LMO7: variants seen among roughly 807,000 people sequenced by gnomAD.
LMO7 encodes the protein LIM domain 7.
LMO7 carries 120 observed loss-of-function variants against 206.5 expected under a neutral mutation model. That is an observed-to-expected ratio of 0.58 (90% CI 0.50 to 0.68). The LOEUF is 0.68. LMO7 is among the 30% of genes least tolerant of loss of function. The pLI, the probability that LMO7 is intolerant of heterozygous loss-of-function variation, is 0.00. For synonymous variants in LMO7, 706 were observed against 681.5 expected (o/e 1.04, Z -0.56); for missense variants, 1,959 against 1,957.9 (o/e 1.00, Z -0.01).
chr13:75,836,166 C>T (rs994394924), intron 18 of LMO7, among the ~76,000 whole-genome samples: 2 of 151,950 alleles, frequency 1.3e-5, no homozygotes, highest in African/African-American at 2.4e-5. Flanking sequence ...AATTAATGAT[C>T]GATTAAACTT....
At chr13:75,842,796 A>G (rs1595471164) in intron 24 of LMO7, 55 bp from the exon 25 acceptor site, 3 of 1,079,770 alleles carry the variant, frequency 2.8e-6, no homozygotes, top group Admixed American at 1.8e-5. Flanking sequence ...TCTTAAACTC[A>G]GGGAAGGGCT....
chr13:75,654,181 T>C (rs2037830975), intron 1 of LMO7, among the ~76,000 whole-genome samples: 1 of 152,156 alleles, frequency 6.6e-6, no homozygotes, highest in African/African-American at 2.4e-5. Context: ...AGCTTACAAA[T>C]CTGTAGGAGA....
At chr13:75,706,159 A>C (rs1032256417) in intron 1 of LMO7, among the ~76,000 whole-genome samples, 7 of 152,206 alleles carry the variant, frequency 4.6e-5, no homozygotes, top group Non-Finnish European at 1.0e-4. Flanking sequence ...TAGCTTGTTC[A>C]GAATTGCAGG....
At chr13:75,774,402 G>A (rs548937586) in intron 4 of LMO7, among the ~76,000 whole-genome samples, 6 of 152,214 alleles carry the variant, frequency 3.9e-5, no homozygotes, top group Non-Finnish European at 7.4e-5. Flanking sequence ...ATTTCCAAAT[G>A]TAGATTTGCC....
chr13:75,677,516 T>C (rs1297069925), intron 1 of LMO7, among the ~76,000 whole-genome samples: 1 of 152,182 alleles, frequency 6.6e-6, no homozygotes, highest in Non-Finnish European at 1.5e-5. Context: ...CTAATACATG[T>C]GAAGTTACAT....
chr13:75,754,598 TAAC>T (rs2047527545), intron 3 of LMO7, among the ~76,000 whole-genome samples: 1 of 152,044 alleles, frequency 6.6e-6, no homozygotes, highest in African/African-American at 2.4e-5. Context: ...ATAATTAAAA[TAAC>T]AAAATAAAAT....
chr13:75,691,049 A>G (rs2041432300), intron 1 of LMO7, among the ~76,000 whole-genome samples: 1 of 152,180 alleles, frequency 6.6e-6, no homozygotes, highest in Non-Finnish European at 1.5e-5. Context: ...TTATTCATAC[A>G]TATTTTACAT....
chr13:75,654,864 T>C (rs1051412320), intron 1 of LMO7, among the ~76,000 whole-genome samples: 2 of 141,686 alleles, frequency 1.4e-5, no homozygotes, highest in African/African-American at 5.2e-5. Flanking sequence ...TACTTTTTCT[T>C]TTCTCTTCTC....
chr13:75,626,595 A>ATATTTTTTTTTTTTTTTTT, intron 2 of LMO7, among the ~76,000 whole-genome samples: 1 of 71,098 alleles, frequency 1.4e-5, no homozygotes, highest in Non-Finnish European at 3.6e-5. Context: ...ATATATATAA[A>ATATTTTTTTTTTTTTTTTT]TTTTTTTGAG....
Position 75,821,473 on chromosome 13 carries a change from T to C in LMO7, c.2504T>C (p.Met835Thr). The change falls in exon 14 of 31, where the codon ATG (methionine) becomes ACG (threonine). Residue 835 changes from methionine to threonine, a missense_variant. Met to Thr is a moderately conservative substitution (Grantham distance 81). Transcript: ENST00000377534. ...LSSLRSRSTQMESTRVSASLP... is the reference protein window; with the variant it reads ...LSSLRSRSTQTESTRVSASLP... ...TCTCTGCGTTCACGGAGCACACAAA[T>C]GGAATCAACTCGTGTTTCAGCTTCT... 6.2e-7 allele frequency: 1 copy of C among 1,614,162 alleles called. No homozygotes were observed. The highest frequency in any genetic ancestry group is 8.5e-7 in the Non-Finnish European group (1 of 1,180,018).
chr13:75,704,711 T>C (rs1450096606), intron 1 of LMO7, among the ~76,000 whole-genome samples: 1 of 152,158 alleles, frequency 6.6e-6, no homozygotes, highest in African/African-American at 2.4e-5. Flanking sequence ...TTCAAGAAGC[T>C]CCCAGAATGT....
chr13:75,842,314 A>C (rs953349005), intron 24 of LMO7, among the ~76,000 whole-genome samples: 1 of 152,048 alleles, frequency 6.6e-6, no homozygotes, highest in Non-Finnish European at 1.5e-5. Flanking sequence ...CTTCCTTGAA[A>C]ATACCCAAGG....
rs2041124854 is a variant in LMO7 at position 75,687,640 on chromosome 13, AG to A, written c.70-25540del. Reference sequence around the variant, plus strand: ...TTTTTTATTGAAATATTTTATTCAAAGGAACAGAAAATTAATGGCTTTTACA... The same window carrying A: ...TTTTTTATTGAAATATTTTATTCAAAGAACAGAAAATTAATGGCTTTTACA... On this transcript the variant is annotated intron_variant, in intron 1 of 30. Transcript: ENST00000377534. Among the ~76,000 whole-genome samples the A allele has an allele frequency of 7.9e-5, 12 of 152,296 alleles. No homozygotes were observed. In the South Asian group the frequency reaches 2.3e-3, roughly 29 times the overall value.
intron 1 of LMO7, among the ~76,000 whole-genome samples, chr13:75,685,986 C>G (rs2139569349): frequency 6.8e-6 from 1 of 147,440 alleles, no homozygotes; most frequent in African/African-American, 2.5e-5. Flanking sequence ...CTCCAGGACT[C>G]AAGTGATCCT....
At chr13:75,709,432 T>C (rs2042908513) in intron 1 of LMO7, among the ~76,000 whole-genome samples, 1 of 151,774 alleles carries the variant, frequency 6.6e-6, no homozygotes, top group South Asian at 2.1e-4. Flanking sequence ...AAAGTGTTCC[T>C]ATTTCTCCAT....
chr13:75,810,038 G>A (rs1320800929), intron 11 of LMO7, among the ~76,000 whole-genome samples: 1 of 151,968 alleles, frequency 6.6e-6, no homozygotes, highest in Non-Finnish European at 1.5e-5. Flanking sequence ...CACCAGATTG[G>A]TCCGGCTGGT....
At chr13:75,725,506 C>T (rs556892059) in intron 2 of LMO7, among the ~76,000 whole-genome samples, 2 of 152,156 alleles carry the variant, frequency 1.3e-5, no homozygotes, top group South Asian at 2.1e-4. Flanking sequence ...AAGAATGCCA[C>T]CAGTAACAGA....
At chr13:75,744,705 T>G (rs2046690463) in intron 3 of LMO7, among the ~76,000 whole-genome samples, 1 of 152,182 alleles carries the variant, frequency 6.6e-6, no homozygotes, top group African/African-American at 2.4e-5. Context: ...CTGAAAATAT[T>G]TATTGAACAT....
At chr13:75,832,408 C>T (rs771982022) in intron 15 of LMO7, among the ~76,000 whole-genome samples, 50 of 152,118 alleles carry the variant, frequency 3.3e-4, no homozygotes, top group Non-Finnish European at 6.5e-4. Flanking sequence ...AATAGGGACC[C>T]TCTTGGTATC....
Sources: gnomAD v4.1 joint callset for allele counts (sites outside exome capture counted in the v4.1 genomes callset) on GRCh38, gnomAD v4.1.1 for gene constraint, MANE v1.5 for transcripts, NCBI Gene and HGNC (gene_info 2026-07-23, HGNC 2026-07-21) for gene names.